DRAM2: variants seen among roughly 807,000 people sequenced by gnomAD.
DRAM2 encodes the protein DNA damage regulated autophagy modulator 2.
DRAM2 carries 26 observed loss-of-function variants against 33.5 expected under a neutral mutation model. The ratio of observed to expected loss-of-function variants is 0.78; its 90% CI spans 0.57 to 1.08. DRAM2 has a LOEUF of 1.08. Among genes scored for constraint, DRAM2 ranks in the 50% least tolerant of loss-of-function variants. The probability of loss-of-function intolerance (pLI) is 0.00; values close to 1 mark genes in which losing one functional copy is unlikely to be tolerated. For synonymous variants in DRAM2, 98 were observed against 109.5 expected (o/e 0.89, Z 0.66); for missense variants, 311 against 318.1 (o/e 0.98, Z 0.17).
At chr1:111,121,874 A>C (rs1338254318) in intron 6 of DRAM2, among the ~76,000 whole-genome samples, 1 of 152,148 alleles carries the variant, frequency 6.6e-6, no homozygotes, top group Non-Finnish European at 1.5e-5. Context: ...ATAATTAATA[A>C]AGAAATACAT....
chr1:111,122,921 A>T (rs535019361), intron 6 of DRAM2, among the ~76,000 whole-genome samples: 1 of 152,284 alleles, frequency 6.6e-6, no homozygotes, highest in South Asian at 2.1e-4. Flanking sequence ...TAAAGAAAGT[A>T]TATAGGCTAC....
At chr1:111,120,799 G>A in intron 6 of DRAM2, 106 bp from the exon 7 acceptor site, 2 of 985,140 alleles carry the variant, frequency 2.0e-6, no homozygotes, top group Non-Finnish European at 2.8e-6. Flanking sequence ...CATTCACTGA[G>A]TAGAGAAGCT....
At chr1:111,119,143 G>A (rs1444625173) in intron 8 of DRAM2, among the ~76,000 whole-genome samples, 1 of 151,862 alleles carries the variant, frequency 6.6e-6, no homozygotes, top group African/African-American at 2.4e-5. Context: ...AGATAGAACA[G>A]GATCATTTTT....
intron 7 of DRAM2, 90 bp from the exon 8 acceptor site, chr1:111,120,049 A>G: frequency 8.8e-7 from 1 of 1,136,016 alleles, no homozygotes; most frequent in African/African-American, 1.5e-5. Flanking sequence ...TCACACATTT[A>G]TTGCTAAGGT....
At chr1:111,118,654 A>C in intron 9 of DRAM2, 151 bp downstream of exon 9, 1 of 577,562 alleles carries the variant, frequency 1.7e-6, no homozygotes, top group Non-Finnish European at 3.0e-6. Context: ...AATTCACCTG[A>C]AAAGTTACAT....
Position 111,118,092 on chromosome 1 carries a change from G to A in DRAM2, c.*68C>T. The A allele has an allele frequency of 1.4e-6, 2 of 1,461,770 alleles. No homozygotes were observed. Among genetic ancestry groups the A allele is most frequent in the Non-Finnish European group, 1.9e-6 (2 of 1,043,740 alleles). The allele number at this position is 1,461,770 out of a possible 1,614,324, so 90.5% of individuals were successfully genotyped here. ...GGTTGAAAATTTCAGAGAAGAATAA[G>A]CAACTTCTGTGAACCTTTCCCCAAT... On this transcript the variant is annotated 3_prime_UTR_variant, in exon 10 of 10. Coordinates refer to ENST00000484310, the MANE Select transcript of DRAM2 (RefSeq NM_001349884.2).
At chr1:111,124,287 T>C (rs1160097245) in intron 6 of DRAM2, among the ~76,000 whole-genome samples, 2 of 152,222 alleles carry the variant, frequency 1.3e-5, no homozygotes, top group African/African-American at 4.8e-5. Context: ...CTTCCTTTCA[T>C]TTCCTCATAT....
chr1:111,125,612 TC>T (rs1269233468), intron 5 of DRAM2: 2 of 152,270 alleles, frequency 1.3e-5, no homozygotes, highest in African/African-American at 4.8e-5. Flanking sequence ...GAAATGAACT[TC>T]TTTAAGTTGA....
At chr1:111,135,193 T>C (rs184587085) in intron 3 of DRAM2, among the ~76,000 whole-genome samples, 1 of 152,276 alleles carries the variant, frequency 6.6e-6, no homozygotes, top group Non-Finnish European at 1.5e-5. Context: ...CAAGTGGAAA[T>C]ACTTAAACTT....
intron 4 of DRAM2, among the ~76,000 whole-genome samples, chr1:111,127,503 A>G (rs1651248099): frequency 1.3e-5 from 2 of 152,162 alleles, no homozygotes; most frequent in South Asian, 4.1e-4. Context: ...GAAACAAAAA[A>G]TAATGTATTT....
rs1391956809 is a variant in DRAM2, at chr1:111,131,603, C to T, written c.-14-35G>A. 5 of 1,607,532 alleles carry T rather than the reference C, an allele frequency of 3.1e-6. No individual in the cohort carries two copies. The South Asian group carries it at 4.4e-5, about 14-fold the overall frequency. ...AGAAAACATATTAGAAAAGATAATT[C>T]ACAAGAGTTTCCTCATCCTACTTTA... On this transcript the variant is annotated intron_variant, in intron 3 of 9. Transcript: ENST00000484310.
chr1:111,118,435 G>A (rs953960442), intron 9 of DRAM2, 168 bp from the exon 10 acceptor site: 1 of 519,032 alleles, frequency 1.9e-6, no homozygotes, highest in East Asian at 3.2e-5. Context: ...ATTAAAATCT[G>A]GAAAAACCAA....
At chr1:111,125,024 A>C (rs1470100224) in intron 5 of DRAM2, 143 bp from the exon 6 acceptor site, 2 of 824,616 alleles carry the variant, frequency 2.4e-6, no homozygotes, top group East Asian at 2.8e-5. Flanking sequence ...AAAGAAAAAA[A>C]AAAACAAAAT....
chr1:111,121,510 A>G (rs1002395815), intron 6 of DRAM2, among the ~76,000 whole-genome samples: 3 of 152,174 alleles, frequency 2.0e-5, no homozygotes, highest in South Asian at 2.1e-4. Context: ...TCTGCTTACT[A>G]AAGTTTTACT....
intron 9 of DRAM2, 184 bp downstream of exon 9, chr1:111,118,621 A>G (rs1055259447): frequency 1.9e-6 from 1 of 531,592 alleles, no homozygotes. Context: ...CTAGCAATAC[A>G]CTACTTCTTT....
In DRAM2 at chr1:111,118,173, G is replaced by A. The variant is rs1341166498; in HGVS notation, c.788C>T (p.Ser263Phe). The A allele has an allele frequency of 6.2e-7, 1 of 1,611,966 alleles. No homozygotes were observed. The highest frequency in any genetic ancestry group is 8.5e-7 in the Non-Finnish European group (1 of 1,178,318). ...PINNERTRLL[S>F]RDI ...TTTATCCTTTCATCAAATATCTCTG[G>A]AAAGTAGCCGTGTTCGTTCATTGTT... Residue 263 changes from serine to phenylalanine, a missense_variant, in exon 10 of 10, where the codon TCC becomes TTC. Transcript: ENST00000484310.
At chr1:111,136,369 A>G (rs1316162180) in intron 3 of DRAM2, among the ~76,000 whole-genome samples, 1 of 152,160 alleles carries the variant, frequency 6.6e-6, no homozygotes, top group Admixed American at 6.5e-5. Context: ...TTCTGAGACC[A>G]GCCTGGCCAG....
intron 3 of DRAM2, among the ~76,000 whole-genome samples, chr1:111,133,713 C>CAA (rs1652601725): frequency 6.6e-6 from 1 of 152,232 alleles, no homozygotes; most frequent in African/African-American, 2.4e-5. Flanking sequence ...GATTCAAACT[C>CAA]AAGCAATTTG....
At position 111,124,706 on chromosome 1, in the gene DRAM2, T is replaced by C. The variant is rs781771544; in HGVS notation, c.339+36A>G. On this transcript the variant is annotated intron_variant, in intron 6 of 9. Coordinates refer to ENST00000484310, the MANE Select transcript of DRAM2 (RefSeq NM_001349884.2). ...CCTTTTAATATATATATTTATGTAC[T>C]TAAGGAAAATACCTATGCTGGGCTA... 13 of 1,608,832 alleles carry C rather than the reference T, an allele frequency of 8.1e-6. No individual in the cohort carries two copies. The South Asian group carries it at 1.3e-4, about 16-fold the overall frequency.
Sources: allele counts gnomAD v4.1 joint callset (sites outside exome capture counted in the v4.1 genomes callset), GRCh38; gene constraint gnomAD v4.1.1; transcripts MANE v1.5; gene names NCBI Gene and HGNC (gene_info 2026-07-23, HGNC 2026-07-21).